Variants in DCC observed in about 807,000 individuals in gnomAD.
DCC encodes the protein netrin receptor DCC.
Under a neutral mutation model 172.5 loss-of-function variants are expected in DCC, and 58 were observed. That is an observed-to-expected ratio of 0.34 (90% CI 0.27 to 0.42). The LOEUF is 0.42. Ranked by LOEUF, DCC falls within the 10% of genes least tolerant of loss-of-function variation. DCC has a pLI of 1.00. For missense variants in DCC, 1,740 were observed against 1,791.0 expected (o/e 0.97, Z 0.51); for synonymous variants, 709 against 644.5 (o/e 1.10, Z -1.52).
At chr18:53,479,821 A>G (rs1365989209) in intron 25 of DCC, among the ~76,000 whole-genome samples, 3 of 152,170 alleles carry the variant, frequency 2.0e-5, no homozygotes, top group Non-Finnish European at 2.9e-5. Flanking sequence ...AATTCCTAAT[A>G]TCTTAGAGAT....
At chr18:53,033,337 G>T (rs922544120) in intron 5 of DCC, among the ~76,000 whole-genome samples, 1 of 152,068 alleles carries the variant, frequency 6.6e-6, no homozygotes, top group African/African-American at 2.4e-5. Context: ...GAGACTTAAC[G>T]GTGTTTGGTG....
intron 22 of DCC, among the ~76,000 whole-genome samples, chr18:53,449,017 T>C (rs2045372666): frequency 6.6e-6 from 1 of 152,248 alleles, no homozygotes. Context: ...ATGTATTTTA[T>C]CTAATTCTGT....
intron 2 of DCC, among the ~76,000 whole-genome samples, chr18:52,762,611 G>T (rs1889972654): frequency 6.6e-6 from 1 of 152,172 alleles, no homozygotes. Flanking sequence ...ATCACTTAAA[G>T]ACAGGAGTTT....
intron 7 of DCC, among the ~76,000 whole-genome samples, chr18:53,089,468 A>G (rs1192258365): frequency 2.0e-5 from 3 of 152,116 alleles, no homozygotes; most frequent in African/African-American, 7.2e-5. Context: ...AAAAGAAGGC[A>G]TTTATGCTTT....
intron 1 of DCC, among the ~76,000 whole-genome samples, chr18:52,576,374 A>AT (rs1190593433): frequency 1.3e-5 from 2 of 152,098 alleles, no homozygotes; most frequent in African/African-American, 2.4e-5. Context: ...CTGGACTTTT[A>AT]TTTTTTTATC....
chr18:53,230,457 A>G (rs2056104123), intron 12 of DCC, among the ~76,000 whole-genome samples: 1 of 152,030 alleles, frequency 6.6e-6, no homozygotes, highest in African/African-American at 2.4e-5. Flanking sequence ...TATCATTTTA[A>G]ATAATAATGT....
intron 7 of DCC, among the ~76,000 whole-genome samples, chr18:53,145,395 G>C (rs2043897029): frequency 6.6e-6 from 1 of 152,146 alleles, no homozygotes; most frequent in Admixed American, 6.5e-5. Context: ...TTACAGGCAT[G>C]AGCCACCGCA....
At chr18:53,445,757 T>A (rs1353051060) in intron 22 of DCC, among the ~76,000 whole-genome samples, 1 of 152,082 alleles carries the variant, frequency 6.6e-6, no homozygotes, top group African/African-American at 2.4e-5. Flanking sequence ...GGCTGAAACA[T>A]TTTATCATGT....
At chr18:52,780,629 A>T (rs2037522089) in intron 2 of DCC, among the ~76,000 whole-genome samples, 1 of 152,192 alleles carries the variant, frequency 6.6e-6, no homozygotes, top group South Asian at 2.1e-4. Context: ...CAACTGGAAG[A>T]AAAAGGAGTA....
intron 14 of DCC, among the ~76,000 whole-genome samples, chr18:53,336,383 T>C (rs567528851): frequency 1.3e-5 from 2 of 152,306 alleles, no homozygotes; most frequent in East Asian, 3.9e-4. Context: ...AAAGGAAAAT[T>C]GTTATTTCTG....
At chr18:52,636,928 C>T (rs2034792196) in intron 1 of DCC, among the ~76,000 whole-genome samples, 1 of 152,162 alleles carries the variant, frequency 6.6e-6, no homozygotes, top group Admixed American at 6.5e-5. Flanking sequence ...TGCACCCCCG[C>T]CACCTCCACC....
chr18:52,375,930 G>A (rs1985326635), intron 1 of DCC, among the ~76,000 whole-genome samples: 2 of 152,180 alleles, frequency 1.3e-5, no homozygotes, highest in Admixed American at 1.3e-4. Context: ...GTAAAGACTG[G>A]TAGTCTGTAG....
At chr18:52,368,451 GA>G (rs74178665) in intron 1 of DCC, among the ~76,000 whole-genome samples, 4 of 152,054 alleles carry the variant, frequency 2.6e-5, no homozygotes, top group Non-Finnish European at 4.4e-5. Context: ...TCCACCCTGA[GA>G]AAAAATAGCA....
rs2055468518 is a variant in DCC, at chr18:53,197,730, T to A, written c.1574-7486T>A. On this transcript the variant is annotated intron_variant, in intron 9 of 28. Transcript: ENST00000442544. ...AGGATTAATTAAGTTCCCAAGATTTTTAAAGAAACATATATGAAAAATCAT... is the reference window on the plus strand; with the variant it reads ...AGGATTAATTAAGTTCCCAAGATTTATAAAGAAACATATATGAAAAATCAT... 4.6e-5 allele frequency among the ~76,000 whole-genome samples: 7 copies of A among 152,068 alleles called. No individual in the cohort carries two copies. The South Asian group carries it at 1.4e-3, about 31-fold the overall frequency.
At chr18:53,489,411 CAATT>C (rs1292838792) in intron 26 of DCC, among the ~76,000 whole-genome samples, 1 of 152,122 alleles carries the variant, frequency 6.6e-6, no homozygotes, top group Non-Finnish European at 1.5e-5. Context: ...CTGTCAGAAA[CAATT>C]AACTAACTTC....
At chr18:52,446,118 A>G (rs1988114854) in intron 1 of DCC, among the ~76,000 whole-genome samples, 1 of 152,094 alleles carries the variant, frequency 6.6e-6, no homozygotes, top group East Asian at 1.9e-4. Context: ...TATTTTTAGT[A>G]GAGACGGGGT....
At chr18:52,776,019 T>G (rs2037425281) in intron 2 of DCC, among the ~76,000 whole-genome samples, 1 of 152,178 alleles carries the variant, frequency 6.6e-6, no homozygotes, top group South Asian at 2.1e-4. Flanking sequence ...TCACTCACAC[T>G]ACAGCAGAGT....
intron 12 of DCC, among the ~76,000 whole-genome samples, chr18:53,267,758 G>T (rs1248482407): frequency 6.6e-6 from 1 of 152,148 alleles, no homozygotes; most frequent in Non-Finnish European, 1.5e-5. Flanking sequence ...AAGCCAATGT[G>T]CCCGGCCACA....
At chr18:52,393,183 A>G (rs1388961057) in intron 1 of DCC, among the ~76,000 whole-genome samples, 1 of 152,114 alleles carries the variant, frequency 6.6e-6, no homozygotes. Flanking sequence ...TTCTAAACCT[A>G]AATATCCTTA....
Sources: allele counts gnomAD v4.1 joint callset (sites outside exome capture counted in the v4.1 genomes callset), GRCh38; gene constraint gnomAD v4.1.1; transcripts MANE v1.5; gene names NCBI Gene and HGNC (gene_info 2026-07-23, HGNC 2026-07-21).